Variants in RNF213 observed in about 807,000 individuals in gnomAD.
RNF213 encodes E3 ubiquitin-protein ligase RNF213.
A neutral mutation model predicts 514.4 loss-of-function variants in RNF213; 341 were observed. The observed-to-expected ratio is 0.66, with a 90% CI of 0.61 to 0.73. RNF213 has a LOEUF of 0.73. Among genes scored for constraint, RNF213 ranks in the 30% least tolerant of loss-of-function variants. The pLI is 0.00. For missense variants in RNF213, 5,767 were observed against 6,615.6 expected, an observed-to-expected ratio of 0.87 and a Z score of 4.45; for synonymous variants, 2,655 against 2,658.2, an observed-to-expected ratio of 1.00 and a Z score of 0.04.
At chr17:80,309,259 C>T in intron 14 of RNF213, 88 bp downstream of exon 14, 3 of 1,512,304 alleles carry the variant, frequency 2.0e-6, no homozygotes, top group Non-Finnish European at 2.8e-6. Flanking sequence ...CAGACTGATT[C>T]CCGGGTGCTG....
rs1378110252 is a variant in RNF213, at chr17:80,369,482, T to C, written c.12156-20T>C. 6.2e-7 allele frequency: 1 copy of C among 1,610,950 alleles called. No homozygotes were observed. Among genetic ancestry groups the C allele is most frequent in the Non-Finnish European group, 8.5e-7 (1 of 1,178,602 alleles). ...TTTGGGAAACACCATCCACCTGTCT[T>C]CTGTTTCTCGTGTTCTAAGGGAAGC... On this transcript the variant is annotated intron_variant, in intron 44 of 67. Transcript: ENST00000582970.
At chr17:80,374,004 C>CAAA (rs397968636) in intron 49 of RNF213, among the ~76,000 whole-genome samples, 25 of 96,036 alleles carry the variant, frequency 2.6e-4, no homozygotes, top group South Asian at 4.4e-4. Context: ...GACTCCGTCT[C>CAAA]AAAAAAAAAA....
chr17:80,377,011 G>A lies in RNF213; in HGVS notation c.13510+48G>A, dbSNP rs757209392. 2.6e-5 allele frequency: 37 copies of A among 1,439,862 alleles called. No homozygotes were observed. Among genetic ancestry groups the A allele is most frequent in the Admixed American group, 5.2e-5 (3 of 58,060 alleles). The allele number at this position is 1,439,862 out of a possible 1,614,324, so 89.2% of individuals were successfully genotyped here. The stretch of plus-strand genomic sequence containing the variant: ...CCCCACACTCCTTTGAGCTTCAAAG[G>A]GTGTCCAGATGCTATGAAGCATTGG... On this transcript the variant is annotated intron_variant, in intron 53 of 67. Transcript: ENST00000582970. The surrounding 1 kb of genome is among the most constrained non-coding windows in gnomAD (Gnocchi z 4.1).
rs756917892 is a variant in RNF213, at chr17:80,263,025, G to A, written c.-108-549G>A. ...CTGTTAGGTGGCCAAGCGCCCAAAC[G>A]CCATCTCCACTCTCACCCTGGATGC... is the stretch of plus-strand genomic sequence containing the variant. On this transcript the variant is annotated intron_variant, in intron 1 of 67. Transcript: ENST00000582970. The surrounding 1 kb of genome is among the most constrained non-coding windows in gnomAD (Gnocchi z 4.9). 1.4e-4 allele frequency among the ~76,000 whole-genome samples: 21 copies of A among 152,214 alleles called. No homozygotes were observed. The highest frequency in any genetic ancestry group is 2.6e-4 in the Non-Finnish European group (18 of 68,038).
At position 80,373,104 on chromosome 17, in the gene RNF213, G is replaced by A. The variant is rs1271378610; in HGVS notation, c.12881G>A (p.Gly4294Asp). The A allele has an allele frequency of 4.3e-6, 7 of 1,613,630 alleles. No homozygotes were observed. Among genetic ancestry groups the A allele is most frequent in the Non-Finnish European group, 5.1e-6 (6 of 1,179,986 alleles). Residue 4294 changes from glycine (G) to aspartate (D), a missense_variant, in exon 49 of 68, where the codon GGC (glycine) becomes GAC (aspartate). Physicochemically the swap from Gly to Asp is moderately conservative, Grantham distance 94. Around this residue, in one of 13 missense-constraint regions of RNF213, gnomAD observed 1,245 missense variants for 1,339.0 expected, o/e 0.93. Transcript: ENST00000582970. Reference protein sequence around the residue: ...SSQRGMEFVQGLSKPGRPHQW... With the variant: ...SSQRGMEFVQDLSKPGRPHQW... ...CAGCGGGGGATGGAGTTCGTGCAGG[G>A]CCTCTCCAAGCCCGGCCGCCCGCAC...
In RNF213 at chr17:80,340,156, G is replaced by C; in HGVS notation, c.5789G>C (p.Cys1930Ser). The C allele has an allele frequency of 6.2e-7, 1 of 1,614,014 alleles. No homozygotes were observed. Among genetic ancestry groups the C allele is most frequent in the South Asian group, 1.1e-5 (1 of 91,062 alleles). Residue 1930 changes from cysteine (C) to serine (S), a missense_variant, in exon 26 of 68, where the codon TGT becomes TCT. By Grantham distance (112) the Cys-to-Ser change is moderately radical (BLOSUM62 -1). Transcript: ENST00000582970. ...GAAGACTACCAGCTCGTCATGGTCT[G>C]TGATGGGGACTGGGAGCACTGCTAC... Reference protein sequence around the residue: ...HREDYQLVMVCDGDWEHCYLP... With the variant: ...HREDYQLVMVSDGDWEHCYLP...
At chr17:80,380,776 G>A in intron 55 of RNF213, 55 bp from the exon 56 acceptor site, 2 of 1,607,686 alleles carry the variant, frequency 1.2e-6, no homozygotes, top group Non-Finnish European at 1.7e-6. Context: ...AGAAAGTGCA[G>A]CGTGCCAAAG....
intron 25 of RNF213, 113 bp from the exon 26 acceptor site, chr17:80,339,088 G>T: frequency 4.9e-6 from 4 of 815,758 alleles, no homozygotes; most frequent in Non-Finnish European, 5.6e-6. Context: ...AGATCATGCA[G>T]TGGGCCTGTG....
rs1453468635 is a variant in RNF213, at chr17:80,319,203, C to T, written c.2915C>T (p.Ser972Phe). 3 of 1,614,218 alleles carry T rather than the reference C, an allele frequency of 1.9e-6. No homozygotes were observed. Among genetic ancestry groups the T allele is most frequent in the African/African-American group, 2.7e-5 (2 of 75,064 alleles). ...EWRLTKEEPL[S>F]QITAYCNSCW... ...TGATTTTTGCAGGAGGAACCCCTCT[C>T]CCAGATCACTGCCTACTGCAATAGT... is the stretch of plus-strand genomic sequence containing the variant. Residue 972 changes from serine to phenylalanine, a missense_variant, in exon 17 of 68, where the codon TCC becomes TTC. Physicochemically the swap from Ser to Phe is radical, Grantham distance 155 (BLOSUM62 -2). This residue lies in a region of RNF213 where 516 missense variants were observed against 566.5 expected (regional missense o/e 0.91). Coordinates refer to ENST00000582970, the MANE Select transcript of RNF213 (RefSeq NM_001256071.3).
chr17:80,350,325 A>G lies in RNF213; in HGVS notation c.10113A>G (p.Lys3371=), dbSNP rs2078461188. The G allele has an allele frequency of 3.1e-6, 5 of 1,609,342 alleles. No homozygotes were observed. The highest frequency in any genetic ancestry group is 4.3e-6 in the Non-Finnish European group (5 of 1,175,694). The change falls in exon 31 of 68, where the codon AAA becomes AAG. Residue 3371 remains lysine (K), a synonymous_variant. Transcript: ENST00000582970. ...GAAACTGTTTAACGAATACAGCCAA[A>G]TGTAAAATCCTCATTTTTCAGACAG... ...EVRNCLTNTA[K]CKILIFQTDF...
chr17:80,346,618 G>A lies in RNF213; in HGVS notation c.8283G>A (p.Leu2761=), dbSNP rs1246692360. 4 of 1,612,950 alleles carry A rather than the reference G, an allele frequency of 2.5e-6. No individual in the cohort carries two copies. Among genetic ancestry groups the A allele is most frequent in the Non-Finnish European group, 3.4e-6 (4 of 1,180,040 alleles). Reference sequence around the variant, plus strand: ...TCATGATGGTCGTCTGCATCGAGCTGAAGATTCCCCTCTTCCTGGTGGGGA... The same window carrying A: ...TCATGATGGTCGTCTGCATCGAGCTAAAGATTCCCCTCTTCCTGGTGGGGA... ...NVFMMVVCIE[L]KIPLFLVGKP... Residue 2761 remains leucine, a synonymous_variant, in exon 29 of 68, where the codon CTG becomes CTA. Coordinates refer to ENST00000582970, the MANE Select transcript of RNF213 (RefSeq NM_001256071.3). The surrounding 1 kb of genome is among the most constrained non-coding windows in gnomAD (Gnocchi z 8.1).
Position 80,344,705 on chromosome 17 carries a change from C to G in RNF213, c.6370C>G (p.Leu2124Val), listed in dbSNP as rs2078254644. ...TACACGTGTACCCCAGTTCAGTTTT[C>G]TTGACATCTTCCCAAAAGTCACCTG... ...LRTRVPQFSF[L>V]DIFPKVTCRP... The change falls in exon 29 of 68, where the codon CTT becomes GTT. Residue 2124 changes from leucine (L) to valine (V), a missense_variant. By Grantham distance (32) the Leu-to-Val change is conservative. This residue lies in a region of RNF213 where 1,377 missense variants were observed against 1,635.2 expected (regional missense o/e 0.84). Transcript: ENST00000582970. 1 of 1,614,110 alleles carries G rather than the reference C, an allele frequency of 6.2e-7. No individual in the cohort carries two copies. Among genetic ancestry groups the G allele is most frequent in the Non-Finnish European group, 8.5e-7 (1 of 1,180,024 alleles).
chr17:80,322,596 G>A (rs548010168), intron 17 of RNF213, among the ~76,000 whole-genome samples: 68 of 151,896 alleles, frequency 4.5e-4, no homozygotes, highest in Middle Eastern at 6.8e-3. Context: ...ATTTTTTTTC[G>A]TAGAGACAGG....
In RNF213 at chr17:80,350,286, TC is replaced by T; in HGVS notation, c.10089-12del. 6.7e-7 allele frequency: 1 copy of T among 1,491,246 alleles called. No individual in the cohort carries two copies. Among genetic ancestry groups the T allele is most frequent in the Admixed American group, 1.7e-5 (1 of 59,870 alleles). The allele number at this position is 1,491,246 out of a possible 1,614,324, so 92.4% of individuals were successfully genotyped here. A position where few individuals can be genotyped will look rare whatever the true frequency, so the allele number is the denominator to read the frequency against. On this transcript the variant is annotated splice_polypyrimidine_tract_variant and intron_variant, in intron 30 of 67. Coordinates refer to ENST00000582970, the MANE Select transcript of RNF213 (RefSeq NM_001256071.3). ...AGACAGAGAACTCACTTGAATAACT[TC>T]CCTTTTCTTTCAGAAACTGTTTAAC... is the stretch of plus-strand genomic sequence containing the variant.
chr17:80,389,007 A>G (rs2080352207), intron 64 of RNF213, 166 bp from the exon 65 acceptor site: 1 of 672,210 alleles, frequency 1.5e-6, no homozygotes, highest in Non-Finnish European at 2.6e-6. Flanking sequence ...GTGTGTCTCC[A>G]TGGCCTCCAG....
chr17:80,307,349 A>AATATTGTC, intron 13 of RNF213, 148 bp downstream of exon 13: 1 of 628,748 alleles, frequency 1.6e-6, no homozygotes, highest in Non-Finnish European at 2.8e-6. Flanking sequence ...TCAGGTTATT[A>AATATTGTC]ATATTGTCGT....
chr17:80,349,560 C>T (rs529813665), intron 29 of RNF213, among the ~76,000 whole-genome samples: 2 of 152,174 alleles, frequency 1.3e-5, no homozygotes, highest in Non-Finnish European at 2.9e-5. Flanking sequence ...AGGGTGGGGT[C>T]GTCTCTCCAA....
chr17:80,342,199 C>G lies in RNF213; in HGVS notation c.5990-933C>G, dbSNP rs2078172849. ...CGGCTTGCAGCCCAGGGGCAATGGG[C>G]TATTCCACCTAGCTCGGGTGTGTGG... On this transcript the variant is annotated intron_variant, in intron 26 of 67. Coordinates refer to ENST00000582970, the MANE Select transcript of RNF213 (RefSeq NM_001256071.3). 5 of 152,254 alleles carry G rather than the reference C, an allele frequency of 3.3e-5. No homozygotes were observed. In the South Asian group the frequency reaches 1.0e-3, roughly 32 times the overall value. 9.4% of individuals were successfully genotyped at this position (152,254 alleles called of 1,614,324 possible). A position where few individuals can be genotyped will look rare whatever the true frequency, so the allele number is the denominator to read the frequency against.
chr17:80,371,445 A>T (rs1184787447), intron 46 of RNF213, among the ~76,000 whole-genome samples: 1 of 152,288 alleles, frequency 6.6e-6, no homozygotes, highest in Non-Finnish European at 1.5e-5. Flanking sequence ...TGGAAGACCA[A>T]ACCACTCTTC....
Sources: gnomAD v4.1 joint callset for allele counts (sites outside exome capture counted in the v4.1 genomes callset) on GRCh38, gnomAD v4.1.1 for gene constraint, gnomAD v4.1.1 regional missense constraint, Gnocchi (gnomAD v3.1) non-coding constraint, MANE v1.5 for transcripts, NCBI Gene and HGNC (gene_info 2026-07-23, HGNC 2026-07-21) for gene names.